Variants in ADCYAP1R1 observed in about 807,000 individuals in gnomAD.
ADCYAP1R1 encodes ADCYAP receptor type I, also known as pituitary adenylate cyclase-activating polypeptide type I receptor.
A neutral mutation model predicts 67.6 loss-of-function variants in ADCYAP1R1; 44 were observed. The ratio of observed to expected loss-of-function variants is 0.65; its 90% CI spans 0.51 to 0.84. The LOEUF is 0.84. Ranked by LOEUF, ADCYAP1R1 falls within the 40% of genes least tolerant of loss-of-function variation. ADCYAP1R1 has a pLI of 0.00. For synonymous variants in ADCYAP1R1, 222 were observed against 219.6 expected (o/e 1.01, Z -0.10); for missense variants, 477 against 587.9 (o/e 0.81, Z 1.95).
chr7:31,094,358 G>T (rs140847506), intron 13 of ADCYAP1R1, among the ~76,000 whole-genome samples: 2 of 151,960 alleles, frequency 1.3e-5, no homozygotes, highest in Non-Finnish European at 2.9e-5. Context: ...CCCGCTGCTC[G>T]CCTCATCTCC....
chr7:31,102,772 C>T lies in ADCYAP1R1; in HGVS notation c.1047-465C>T, dbSNP rs534149120. The stretch of plus-strand genomic sequence containing the variant: ...CTTCCCCATCACTTGGTGAGTGTCC[C>T]GGCTAGCCCCAGGCTCCAAAAAGCC... On this transcript the variant is annotated intron_variant, in intron 13 of 15. Transcript: ENST00000304166. This position sits in a 1 kb window ranked among gnomAD's most constrained non-coding sequence, Gnocchi z 4.3. 7.2e-5 allele frequency among the ~76,000 whole-genome samples: 11 copies of T among 152,266 alleles called. No individual in the cohort carries two copies. The highest frequency in any genetic ancestry group is 2.2e-4 in the African/African-American group (9 of 41,544).
intron 13 of ADCYAP1R1, among the ~76,000 whole-genome samples, chr7:31,096,308 C>T (rs1480053773): frequency 1.1e-4 from 16 of 152,170 alleles, no homozygotes; most frequent in Admixed American, 1.0e-3. Context: ...ATGCACACAT[C>T]TCTGGAGATG....
intron 3 of ADCYAP1R1, among the ~76,000 whole-genome samples, chr7:31,065,927 G>A (rs1013747551): frequency 2.0e-5 from 3 of 152,212 alleles, no homozygotes; most frequent in Non-Finnish European, 4.4e-5. Context: ...CCCACTGGAC[G>A]GAGCTGCCCA....
In ADCYAP1R1 at chr7:31,085,090, G is replaced by A. The variant is rs531646626; in HGVS notation, c.537-220G>A. On this transcript the variant is annotated intron_variant, in intron 8 of 15. Transcript: ENST00000304166. ...TGTCTTCCTGGTCTAGAAAGACAGA[G>A]GCCACAGGAGGGAGAAGTCTGGCCA... Among the ~76,000 whole-genome samples, 4 of 152,322 alleles carry A rather than the reference G, an allele frequency of 2.6e-5. No individual in the cohort carries two copies. In the South Asian group the frequency reaches 8.3e-4, roughly 32 times the overall value.
intron 13 of ADCYAP1R1, among the ~76,000 whole-genome samples, chr7:31,101,030 C>T (rs1584544678): frequency 6.6e-6 from 1 of 152,210 alleles, no homozygotes; most frequent in Non-Finnish European, 1.5e-5. Context: ...GTTTCTGTTG[C>T]AAGACGTCAG....
chr7:31,068,491 G>A (rs1794841540), intron 3 of ADCYAP1R1, among the ~76,000 whole-genome samples: 1 of 152,188 alleles, frequency 6.6e-6, no homozygotes, highest in Admixed American at 6.5e-5. Context: ...CCCTTGTCAG[G>A]GTGAAAGGTC....
intron 8 of ADCYAP1R1, 114 bp downstream of exon 8, chr7:31,084,948 C>A: frequency 1.0e-6 from 1 of 1,003,302 alleles, no homozygotes; most frequent in Non-Finnish European, 1.6e-6. Context: ...CCTTTGAAGG[C>A]ATTTCTCCCA....
At chr7:31,053,018 C>G (rs966057554) in intron 1 of ADCYAP1R1, among the ~76,000 whole-genome samples, 2 of 152,210 alleles carry the variant, frequency 1.3e-5, no homozygotes, top group Admixed American at 6.5e-5. Context: ...GAAGGGAGAC[C>G]AGGGGGGCAG....
At chr7:31,099,901 C>T (rs1176456205) in intron 13 of ADCYAP1R1, among the ~76,000 whole-genome samples, 7 of 152,202 alleles carry the variant, frequency 4.6e-5, no homozygotes, top group Non-Finnish European at 8.8e-5. Flanking sequence ...TGTGAGTGTT[C>T]GTGCGTGTGT....
chr7:31,101,415 C>G (rs1356284590), intron 13 of ADCYAP1R1, among the ~76,000 whole-genome samples: 1 of 152,148 alleles, frequency 6.6e-6, no homozygotes, highest in East Asian at 1.9e-4. Flanking sequence ...GGAACAGATG[C>G]CAGGAGGAGG....
chr7:31,074,638 T>C (rs1562636782), intron 3 of ADCYAP1R1, among the ~76,000 whole-genome samples: 1 of 152,236 alleles, frequency 6.6e-6, no homozygotes, highest in East Asian at 1.9e-4. Context: ...GACGCAGCCA[T>C]GCTCCACGGC....
chr7:31,081,667 C>A, intron 5 of ADCYAP1R1, 46 bp from the exon 6 acceptor site: 2 of 1,526,446 alleles, frequency 1.3e-6, no homozygotes, highest in Non-Finnish European at 1.8e-6. Flanking sequence ...CAGTAGCTAA[C>A]TGTAAGCCAG....
intron 1 of ADCYAP1R1, among the ~76,000 whole-genome samples, chr7:31,056,117 G>A (rs955097524): frequency 3.9e-5 from 6 of 152,146 alleles, no homozygotes; most frequent in Admixed American, 2.6e-4. Flanking sequence ...GACAAGACTC[G>A]AAACTCACAA....
Position 31,102,569 on chromosome 7 carries a change from C to T in ADCYAP1R1, c.1047-668C>T, listed in dbSNP as rs1296913851. Among the ~76,000 whole-genome samples the T allele has an allele frequency of 6.6e-6, 1 of 152,200 alleles. No individual in the cohort carries two copies. The highest frequency in any genetic ancestry group is 1.5e-5 in the Non-Finnish European group (1 of 68,032). ...CAGTCCTCCGGCCCTTCCTCCCCTG[C>T]CTGGCCCACTTCAGAGCATTCTCTT... is the stretch of plus-strand genomic sequence containing the variant. On this transcript the variant is annotated intron_variant, in intron 13 of 15. Coordinates refer to ENST00000304166, the MANE Select transcript of ADCYAP1R1 (RefSeq NM_001118.5). The surrounding 1 kb of genome is among the most constrained non-coding windows in gnomAD (Gnocchi z 4.3).
At chr7:31,090,664 G>A (rs553760073) in intron 12 of ADCYAP1R1, among the ~76,000 whole-genome samples, 23 of 152,200 alleles carry the variant, frequency 1.5e-4, no homozygotes, top group Admixed American at 4.6e-4. Flanking sequence ...GTGAGAACAC[G>A]TGGTATTTGG....
intron 13 of ADCYAP1R1, among the ~76,000 whole-genome samples, chr7:31,097,675 CTG>C (rs59038760): frequency 0.09 from 13,730 of 152,072 alleles, 682 homozygotes; most frequent in African/African-American, 0.11. Flanking sequence ...TCAGAGGAGT[CTG>C]TGTTTACCAT....
At chr7:31,105,193 C>G (rs923417793) in intron 15 of ADCYAP1R1, among the ~76,000 whole-genome samples, 1 of 152,230 alleles carries the variant, frequency 6.6e-6, no homozygotes, top group African/African-American at 2.4e-5. Flanking sequence ...CTCTGCTGAG[C>G]GCAGATCTCC....
intron 4 of ADCYAP1R1, among the ~76,000 whole-genome samples, chr7:31,078,750 C>T (rs991719248): frequency 2.0e-5 from 3 of 152,188 alleles, no homozygotes; most frequent in African/African-American, 2.4e-5. Flanking sequence ...GGCAGTTACA[C>T]GGGCTCAAGA....
intron 1 of ADCYAP1R1, among the ~76,000 whole-genome samples, chr7:31,055,680 TG>T (rs1413245168): frequency 6.6e-6 from 1 of 152,226 alleles, no homozygotes; most frequent in African/African-American, 2.4e-5. Flanking sequence ...TGGATCTGAC[TG>T]GCTGGAAGGG....
Sources: gnomAD v4.1 joint callset for allele counts (sites outside exome capture counted in the v4.1 genomes callset) on GRCh38, gnomAD v4.1.1 for gene constraint, Gnocchi (gnomAD v3.1) non-coding constraint, MANE v1.5 for transcripts, NCBI Gene and HGNC (gene_info 2026-07-23, HGNC 2026-07-21) for gene names.